Variants in CATSPERD observed in about 807,000 individuals in gnomAD.
CATSPERD encodes the protein cation channel sperm-associated auxiliary subunit delta.
CATSPERD carries 86 observed loss-of-function variants against 98.1 expected under a neutral mutation model. The observed-to-expected ratio is 0.88, with a 90% CI of 0.74 to 1.05. The LOEUF (loss-of-function observed/expected upper bound fraction) is 1.05. Ranked by LOEUF, CATSPERD falls within the 50% of genes least tolerant of loss-of-function variation. The probability of loss-of-function intolerance (pLI) is 0.00; values close to 1 mark genes in which losing one functional copy is unlikely to be tolerated. For synonymous variants in CATSPERD, 394 were observed against 390.2 expected, an observed-to-expected ratio of 1.01 and a Z score of -0.12; for missense variants, 995 against 1,005.7, an observed-to-expected ratio of 0.99 and a Z score of 0.14.
At chr19:5,774,060 C>A (rs922677631) in intron 20 of CATSPERD, among the ~76,000 whole-genome samples, 2 of 151,174 alleles carry the variant, frequency 1.3e-5, no homozygotes, top group Non-Finnish European at 2.9e-5. Flanking sequence ...CTCCACCTCC[C>A]GAGTTCAAGC....
In CATSPERD at chr19:5,778,363, C is replaced by G; in HGVS notation, c.2097-13C>G. The G allele has an allele frequency of 6.3e-7, 1 of 1,589,204 alleles. No individual in the cohort carries two copies. Among genetic ancestry groups the G allele is most frequent in the Non-Finnish European group, 8.6e-7 (1 of 1,164,646 alleles). The stretch of plus-strand genomic sequence containing the variant: ...AATGCCCAACAGCCTCTCCCCGCCT[C>G]CCCCCACCGCAGCTACTGTCAACTG... On this transcript the variant is annotated splice_polypyrimidine_tract_variant and intron_variant, in intron 21 of 21. Coordinates refer to ENST00000381624, the MANE Select transcript of CATSPERD (RefSeq NM_152784.4).
At chr19:5,750,450 C>CA (rs60496454) in intron 11 of CATSPERD, among the ~76,000 whole-genome samples, 3,499 of 48,422 alleles carry the variant, frequency 0.072, 330 homozygotes, top group African/African-American at 0.12. Flanking sequence ...GACTCTGTCT[C>CA]AAAAAAAAAA....
intron 15 of CATSPERD, among the ~76,000 whole-genome samples, chr19:5,761,895 T>TTTG (rs369899149): frequency 6.7e-5 from 10 of 149,950 alleles, no homozygotes; most frequent in East Asian, 2.0e-4. Context: ...CCGGCTAATT[T>TTTG]TTGTTGTTGT....
rs2056579865 is a variant in CATSPERD at position 5,768,245 on chromosome 19, A to T, written c.1634+3A>T. 1.2e-6 allele frequency: 2 copies of T among 1,612,212 alleles called. No individual in the cohort carries two copies. Among genetic ancestry groups the T allele is most frequent in the African/African-American group, 1.3e-5 (1 of 75,012 alleles). ...AATTACAGCTTCATCATCGAGAAGT[A>T]AGCCAGCGTCCCCCCGCAACACCTG... On this transcript the variant is annotated splice_donor_region_variant and intron_variant, in intron 18 of 21. Coordinates refer to ENST00000381624, the MANE Select transcript of CATSPERD (RefSeq NM_152784.4).
intron 21 of CATSPERD, among the ~76,000 whole-genome samples, chr19:5,776,895 T>A (rs2056750062): frequency 6.8e-6 from 1 of 147,830 alleles, no homozygotes; most frequent in Non-Finnish European, 1.5e-5. Context: ...AAAAAAAAAA[T>A]TCAGGAATCT....
rs1180333321 is a variant in CATSPERD, at chr19:5,771,089, G to A, written c.1763+17G>A. On this transcript the variant is annotated intron_variant, in intron 19 of 21. Transcript: ENST00000381624. ...GGTGGAGCTGTAAGACCCCAGGGGG[G>A]TGCTGCAGGGTGGGGACGGTGGCAG... 2 of 1,608,250 alleles carry A rather than the reference G, an allele frequency of 1.2e-6. No individual in the cohort carries two copies. The highest frequency in any genetic ancestry group is 1.7e-4 in the Middle Eastern group (1 of 5,922).
intron 11 of CATSPERD, among the ~76,000 whole-genome samples, chr19:5,749,497 G>A (rs192471771): frequency 6.6e-6 from 1 of 152,090 alleles, no homozygotes; most frequent in African/African-American, 2.4e-5. Flanking sequence ...AAGGAATAAT[G>A]GTCTTGTTCA....
intron 19 of CATSPERD, chr19:5,772,449 G>T: frequency 3.7e-6 from 1 of 266,868 alleles, no homozygotes. Flanking sequence ...AGATGGTCTC[G>T]ATCTCCTGAC....
At position 5,738,503 on chromosome 19, in the gene CATSPERD, C is replaced by CTGGGGCAA. The variant is rs558944145; in HGVS notation, c.460-821_460-814dup. The stretch of plus-strand genomic sequence containing the variant: ...GCTGAGATCATGCCACTGCACTCGG[C>CTGGGGCAA]TGGGGCAATAGAGCCAGAACTTGTC... On this transcript the variant is annotated intron_variant, in intron 6 of 21. Transcript: ENST00000381624. Among the ~76,000 whole-genome samples the CTGGGGCAA allele has an allele frequency of 2.6e-5, 4 of 152,144 alleles. No homozygotes were observed. In the South Asian group the frequency reaches 8.3e-4, roughly 32 times the overall value.
chr19:5,768,093 C>A, intron 17 of CATSPERD, 75 bp from the exon 18 acceptor site: 1 of 1,377,140 alleles, frequency 7.3e-7, no homozygotes, highest in Non-Finnish European at 1.0e-6. Flanking sequence ...CCAGCCCCTC[C>A]CTTTCTGTCC....
rs1320693291 is a variant in CATSPERD at position 5,771,004 on chromosome 19, C to T, written c.1695C>T (p.Tyr565=). 2.5e-6 allele frequency: 4 copies of T among 1,614,102 alleles called. No homozygotes were observed. The South Asian group carries it at 4.4e-5, about 18-fold the overall frequency. ...QQSSEDLHVF[Y]SYQQLGCPLL... ...CCTCCGAGGACCTGCACGTGTTTTA[C>T]TCCTACCAGCAGCTGGGCTGTCCTC... The change falls in exon 19 of 22, where the codon TAC becomes TAT. Residue 565 remains tyrosine, a synonymous_variant. Transcript: ENST00000381624.
intron 4 of CATSPERD, among the ~76,000 whole-genome samples, chr19:5,733,429 C>A (rs2055774762): frequency 6.8e-6 from 1 of 147,308 alleles, no homozygotes; most frequent in South Asian, 2.2e-4. Flanking sequence ...TTCCTTCCTT[C>A]CTCCTTTCTT....
At chr19:5,734,666 T>C (rs1599522473) in intron 5 of CATSPERD, among the ~76,000 whole-genome samples, 1 of 148,268 alleles carries the variant, frequency 6.7e-6, no homozygotes, top group Non-Finnish European at 1.5e-5. Flanking sequence ...CTGGGTGTGG[T>C]GGTGTGTGCC....
At chr19:5,738,535 C>A (rs2055893970) in intron 6 of CATSPERD, among the ~76,000 whole-genome samples, 2 of 151,980 alleles carry the variant, frequency 1.3e-5, no homozygotes, top group African/African-American at 4.8e-5. Flanking sequence ...TGTCTCGAAA[C>A]AAAAACAAAC....
intron 7 of CATSPERD, among the ~76,000 whole-genome samples, chr19:5,742,889 G>A (rs2056016738): frequency 6.6e-6 from 1 of 152,220 alleles, no homozygotes; most frequent in Admixed American, 6.6e-5. Context: ...GGGATAGGTG[G>A]AGGGAGGGTC....
rs370365655 is a variant in CATSPERD at position 5,769,435 on chromosome 19, G to A, written c.1634+1193G>A. On this transcript the variant is annotated intron_variant, in intron 18 of 21. Coordinates refer to ENST00000381624, the MANE Select transcript of CATSPERD (RefSeq NM_152784.4). ...GCTCCAAGCCATTCATAGCTCTGCC[G>A]TTGTGGCCTAAACACCTCTGACTAG... 8.4e-4 allele frequency among the ~76,000 whole-genome samples: 128 copies of A among 152,078 alleles called. 2 individuals are homozygous for A. The South Asian group carries it at 0.024, about 28-fold the overall frequency.
intron 11 of CATSPERD, among the ~76,000 whole-genome samples, chr19:5,749,570 A>G (rs906498437): frequency 2.0e-5 from 3 of 152,140 alleles, no homozygotes; most frequent in Admixed American, 6.6e-5. Context: ...AACAACAACA[A>G]CAGCAGCTAA....
chr19:5,733,557 A>G (rs2055778328), intron 4 of CATSPERD, among the ~76,000 whole-genome samples: 1 of 151,628 alleles, frequency 6.6e-6, no homozygotes, highest in South Asian at 2.1e-4. Flanking sequence ...CCTAGGATCA[A>G]GCGATTCTCC....
chr19:5,752,253 G>A (rs1344769096), intron 12 of CATSPERD, among the ~76,000 whole-genome samples: 2 of 151,040 alleles, frequency 1.3e-5, no homozygotes, highest in Non-Finnish European at 3.0e-5. Context: ...AGGTTGCAAT[G>A]AGCCGAGATC....
Sources: allele counts gnomAD v4.1 joint callset (sites outside exome capture counted in the v4.1 genomes callset), GRCh38; gene constraint gnomAD v4.1.1; transcripts MANE v1.5; gene names NCBI Gene and HGNC (gene_info 2026-07-23, HGNC 2026-07-21).